The following CERK variants were observed in gnomAD, a reference collection of about 807,000 sequenced individuals.
The protein encoded by CERK is acylsphingosine kinase.
CERK carries 39 observed loss-of-function variants against 63.4 expected under a neutral mutation model. That is an observed-to-expected ratio of 0.61 (90% CI 0.48 to 0.80). The LOEUF is 0.80. CERK is among the 30% of genes least tolerant of loss of function. The pLI is 0.00. For missense variants in CERK, 670 were observed against 714.1 expected (o/e 0.94, Z 0.70); for synonymous variants, 302 against 280.0 (o/e 1.08, Z -0.78).
chr22:46,711,034 G>A, intron 5 of CERK, 52 bp downstream of exon 5: 1 of 1,483,010 alleles, frequency 6.7e-7, no homozygotes. Flanking sequence ...GAGGTGGGTA[G>A]AACTTTTTCA....
chr22:46,699,298 A>C lies in CERK; in HGVS notation c.943+15T>G, dbSNP rs1041009354. ...CACGACCAGCGGGGAGCGAGTCTGC[A>C]TTATTCTGAGTTACCTGAAAAGTCG... On this transcript the variant is annotated intron_variant, in intron 8 of 12. Coordinates refer to ENST00000216264, the MANE Select transcript of CERK (RefSeq NM_022766.6). The C allele has an allele frequency of 6.2e-7, 1 of 1,613,742 alleles. No individual in the cohort carries two copies. The highest frequency in any genetic ancestry group is 2.2e-5 in the East Asian group (1 of 44,886).
At chr22:46,713,352 C>A (rs1436590462) in intron 3 of CERK, among the ~76,000 whole-genome samples, 1 of 150,732 alleles carries the variant, frequency 6.6e-6, no homozygotes, top group Non-Finnish European at 1.5e-5. Flanking sequence ...AAAAAAAATA[C>A]AAAAAAATTA....
At chr22:46,699,931 A>G (rs1193363489) in intron 7 of CERK, among the ~76,000 whole-genome samples, 2 of 152,180 alleles carry the variant, frequency 1.3e-5, no homozygotes, top group African/African-American at 4.8e-5. Context: ...TCTACTAAAC[A>G]TATAAAAATT....
chr22:46,695,817 C>T (rs2146547444), intron 8 of CERK, among the ~76,000 whole-genome samples: 1 of 152,222 alleles, frequency 6.6e-6, no homozygotes, highest in Admixed American at 6.5e-5. Flanking sequence ...GGGCCACCCT[C>T]CAGGCAAACG....
intron 9 of CERK, among the ~76,000 whole-genome samples, chr22:46,694,419 G>C (rs135675): frequency 1 from 152,155 of 152,292 alleles, 76,012 homozygotes; most frequent in Non-Finnish European, 1. Flanking sequence ...CTTGTTCAGT[G>C]GCGTAGCCAC....
At chr22:46,730,525 G>C (rs923338361) in intron 1 of CERK, among the ~76,000 whole-genome samples, 1 of 152,190 alleles carries the variant, frequency 6.6e-6, no homozygotes, top group Non-Finnish European at 1.5e-5. Flanking sequence ...TCACCAGATA[G>C]GCTTAGCAGC....
rs928406598 is a variant in CERK at position 46,686,233 on chromosome 22, G to A, written c.*901C>T. 6.6e-6 allele frequency: 1 copy of A among 152,202 alleles called. No individual in the cohort carries two copies. The highest frequency in any genetic ancestry group is 2.4e-5 in the African/African-American group (1 of 41,438). The allele number at this position is 152,202 out of a possible 1,614,324, so 9.4% of individuals were successfully genotyped here. A position where few individuals can be genotyped will look rare whatever the true frequency, so the allele number is the denominator to read the frequency against. ...GTGAAGAAAAGACAAGGACAAATCT[G>A]GACCACGTGTACAGACTTCAGGCCC... On this transcript the variant is annotated 3_prime_UTR_variant, in exon 13 of 13. Coordinates refer to ENST00000216264, the MANE Select transcript of CERK (RefSeq NM_022766.6).
At chr22:46,725,089 T>C (rs778387339) in intron 1 of CERK, among the ~76,000 whole-genome samples, 4 of 152,076 alleles carry the variant, frequency 2.6e-5, no homozygotes, top group Middle Eastern at 3.4e-3. Flanking sequence ...TTCAGGCCAT[T>C]GTCCCTGTGT....
intron 8 of CERK, among the ~76,000 whole-genome samples, chr22:46,699,104 G>C (rs2082770486): frequency 6.6e-6 from 1 of 151,874 alleles, no homozygotes; most frequent in African/African-American, 2.4e-5. Context: ...TTGGGTCCAG[G>C]GGGCAGGATC....
At chr22:46,718,518 C>A (rs904072236) in intron 3 of CERK, among the ~76,000 whole-genome samples, 2 of 152,108 alleles carry the variant, frequency 1.3e-5, no homozygotes, top group Non-Finnish European at 2.9e-5. Context: ...GAGCTTTTCA[C>A]GACAGCAGGT....
At chr22:46,733,362 C>A (rs962731931) in intron 1 of CERK, among the ~76,000 whole-genome samples, 17 of 151,540 alleles carry the variant, frequency 1.1e-4, no homozygotes, top group Non-Finnish European at 2.1e-4. Context: ...GGTGCAATCA[C>A]AGCTCACTGC....
Position 46,684,813 on chromosome 22 carries a change from G to A in CERK, c.*2321C>T, listed in dbSNP as rs1569315723. ...CCTATCTAGCGGGAATGTCTGGGCA[G>A]TCACCCCCATCCTGCGCGCAGATAG... On this transcript the variant is annotated 3_prime_UTR_variant, in exon 13 of 13. Transcript: ENST00000216264. The A allele has an allele frequency of 6.6e-6, 1 of 152,190 alleles. No individual in the cohort carries two copies. Among genetic ancestry groups the A allele is most frequent in the Admixed American group, 6.5e-5 (1 of 15,276 alleles). 9.4% of individuals were successfully genotyped at this position (152,190 alleles called of 1,614,324 possible).
At chr22:46,736,902 T>A (rs570219260) in intron 1 of CERK, among the ~76,000 whole-genome samples, 13 of 152,288 alleles carry the variant, frequency 8.5e-5, no homozygotes, top group African/African-American at 2.9e-4. Context: ...AGGCTCCGAA[T>A]ATCCACCAGA....
chr22:46,714,000 T>A (rs562039427), intron 3 of CERK, among the ~76,000 whole-genome samples: 84 of 152,258 alleles, frequency 5.5e-4, no homozygotes, highest in Middle Eastern at 3.4e-3. Context: ...CCAGGCTCAG[T>A]GGCTCACGCC....
intron 5 of CERK, among the ~76,000 whole-genome samples, chr22:46,708,310 T>A (rs1289466697): frequency 6.6e-6 from 1 of 152,216 alleles, no homozygotes; most frequent in African/African-American, 2.4e-5. Context: ...GACTCAAGTT[T>A]GCGGGGCGGG....
intron 1 of CERK, among the ~76,000 whole-genome samples, chr22:46,732,073 C>T (rs1445896748): frequency 6.6e-6 from 1 of 152,182 alleles, no homozygotes; most frequent in Non-Finnish European, 1.5e-5. Context: ...GGACCAAGGT[C>T]AGCGAGAAAG....
At chr22:46,701,516 G>C (rs2082783774) in intron 7 of CERK, 120 bp downstream of exon 7, 2 of 791,110 alleles carry the variant, frequency 2.5e-6, no homozygotes, top group South Asian at 3.5e-5. Flanking sequence ...GACACAGCGT[G>C]ACCCACGGCC....
chr22:46,724,599 T>C (rs761792781), intron 1 of CERK, among the ~76,000 whole-genome samples: 6 of 152,172 alleles, frequency 3.9e-5, no homozygotes, highest in Non-Finnish European at 8.8e-5. Context: ...CCGCTAAGCC[T>C]GGAGCATGGT....
At chr22:46,724,762 G>A (rs2082909338) in intron 1 of CERK, among the ~76,000 whole-genome samples, 1 of 152,170 alleles carries the variant, frequency 6.6e-6, no homozygotes, top group Admixed American at 6.5e-5. Flanking sequence ...GCTCACACCT[G>A]TAATCCCTGC....
Sources: allele counts gnomAD v4.1 joint callset (sites outside exome capture counted in the v4.1 genomes callset), GRCh38; gene constraint gnomAD v4.1.1; transcripts MANE v1.5; gene names NCBI Gene and HGNC (gene_info 2026-07-23, HGNC 2026-07-21).